The following PUS10 variants were observed in gnomAD, a reference collection of about 807,000 sequenced individuals.
The protein encoded by PUS10 is tRNA pseudouridine synthase Pus10.
PUS10 carries 59 observed loss-of-function variants against 75.0 expected under a neutral mutation model. The observed-to-expected ratio is 0.79, with a 90% CI of 0.64 to 0.98. PUS10 has a LOEUF of 0.98. Among genes scored for constraint, PUS10 ranks in the 50% least tolerant of loss-of-function variants. The pLI, the probability that PUS10 is intolerant of heterozygous loss-of-function variation, is 0.00. For synonymous variants in PUS10, 219 were observed against 211.6 expected (o/e 1.03, Z -0.30); for missense variants, 650 against 614.4 (o/e 1.06, Z -0.61).
intron 4 of PUS10, among the ~76,000 whole-genome samples, chr2:60,982,044 T>A (rs1677427019): frequency 6.6e-6 from 1 of 151,876 alleles, no homozygotes; most frequent in South Asian, 2.1e-4. Context: ...AAAAAACAGA[T>A]TGACCAATAA....
At chr2:60,981,919 T>C (rs1677418799) in intron 4 of PUS10, among the ~76,000 whole-genome samples, 1 of 152,066 alleles carries the variant, frequency 6.6e-6, no homozygotes, top group Non-Finnish European at 1.5e-5. Context: ...CTTCTAGGGG[T>C]TGCTAGACCA....
intron 3 of PUS10, 124 bp downstream of exon 3, chr2:61,008,637 G>T: frequency 1.3e-6 from 1 of 774,644 alleles, no homozygotes; most frequent in Non-Finnish European, 2.0e-6. Flanking sequence ...TTCAGCCTAG[G>T]CAACAGAATG....
In PUS10 at chr2:60,997,709, T is replaced by C. The variant is rs553995803; in HGVS notation, c.468+8848A>G. 8.6e-5 allele frequency among the ~76,000 whole-genome samples: 13 copies of C among 152,010 alleles called. No homozygotes were observed. In the South Asian group the frequency reaches 2.3e-3, roughly 27 times the overall value. ...TATGTCTGGGACATTCATTGTATAA[T>C]AGTTTTGTGTGGCATTATGCTGTAG... On this transcript the variant is annotated intron_variant, in intron 4 of 17. Transcript: ENST00000316752.
In PUS10 at chr2:60,952,931, A is replaced by G. The variant is rs1394716946; in HGVS notation, c.1308+66T>C. ...CTGTGACTTGCTAGTAATAAATTAG[A>G]AGACAATGGGATCTTTGATAGGCAA... On this transcript the variant is annotated intron_variant, in intron 15 of 17. Coordinates refer to ENST00000316752, the MANE Select transcript of PUS10 (RefSeq NM_144709.4). The G allele has an allele frequency of 5.5e-6, 5 of 917,390 alleles. No individual in the cohort carries two copies. In the East Asian group the frequency reaches 9.7e-5, roughly 18 times the overall value. The allele number at this position is 917,390 out of a possible 1,614,324, so 56.8% of individuals were successfully genotyped here.
chr2:60,943,259 G>A (rs1307881548), intron 17 of PUS10, among the ~76,000 whole-genome samples: 1 of 152,084 alleles, frequency 6.6e-6, no homozygotes. Flanking sequence ...CCTGGAACCA[G>A]AAAAGGATTA....
At chr2:61,006,076 A>G (rs1028970784) in intron 4 of PUS10, among the ~76,000 whole-genome samples, 3 of 152,190 alleles carry the variant, frequency 2.0e-5, no homozygotes, top group Non-Finnish European at 4.4e-5. Context: ...CAAAGAAAAC[A>G]GTTTAAAAAA....
intron 4 of PUS10, among the ~76,000 whole-genome samples, chr2:60,980,421 C>T (rs751366217): frequency 2.6e-5 from 4 of 152,190 alleles, no homozygotes; most frequent in Non-Finnish European, 5.9e-5. Flanking sequence ...ATACAAGTTG[C>T]AAGAAATCCA....
intron 1 of PUS10, among the ~76,000 whole-genome samples, chr2:61,016,715 A>C (rs375137214): frequency 6.6e-6 from 1 of 152,028 alleles, no homozygotes; most frequent in African/African-American, 2.4e-5. Flanking sequence ...CTTTATTTTC[A>C]CCTCTTGGAC....
chr2:60,962,714 A>G (rs950140946), intron 9 of PUS10, 112 bp downstream of exon 9: 44 of 1,457,866 alleles, frequency 3.0e-5, no homozygotes, highest in African/African-American at 7.3e-5. Context: ...CTAAGACACA[A>G]TCCTGGCCCC....
chr2:60,983,762 CTAAA>C (rs967014628), intron 4 of PUS10, among the ~76,000 whole-genome samples: 18 of 151,466 alleles, frequency 1.2e-4, no homozygotes, highest in African/African-American at 4.4e-4. Context: ...TATGATACAC[CTAAA>C]TATACTGTAT....
At chr2:60,944,278 A>G (rs1230888640) in intron 17 of PUS10, 2 of 962,802 alleles carry the variant, frequency 2.1e-6, no homozygotes, top group Non-Finnish European at 2.5e-6. Context: ...AGCACTTGAG[A>G]GAATTGCTGG....
intron 6 of PUS10, 65 bp downstream of exon 6, chr2:60,967,437 G>C (rs967913795): frequency 6.1e-5 from 67 of 1,103,634 alleles, no homozygotes; most frequent in Non-Finnish European, 7.8e-5. Context: ...CCAAAACCCT[G>C]CCATATAATT....
chr2:61,010,383 A>G (rs1679519165), intron 2 of PUS10: 1 of 173,466 alleles, frequency 5.8e-6, no homozygotes, highest in Non-Finnish European at 1.3e-5. Flanking sequence ...CAGTGGCATG[A>G]TCTCGGCTCA....
At chr2:61,017,779 C>T (rs1303028765) in intron 1 of PUS10, 2 of 1,550,112 alleles carry the variant, frequency 1.3e-6, no homozygotes, top group South Asian at 2.4e-5. Context: ...CAGCCGCCAC[C>T]TCCCCCCAAA....
intron 9 of PUS10, 94 bp from the exon 10 acceptor site, chr2:60,961,642 G>T: frequency 2.8e-6 from 3 of 1,057,442 alleles, no homozygotes; most frequent in Non-Finnish European, 4.4e-6. Flanking sequence ...CATACACAGA[G>T]CCCAAGTCTC....
At chr2:61,017,490 C>A (rs112835494) in intron 1 of PUS10, 4 of 355,770 alleles carry the variant, frequency 1.1e-5, no homozygotes, top group Admixed American at 4.5e-5. Context: ...GTAGCCGCTA[C>A]CAGAAATATC....
intron 4 of PUS10, among the ~76,000 whole-genome samples, chr2:60,972,917 T>G (rs1308541962): frequency 6.6e-6 from 1 of 152,210 alleles, no homozygotes; most frequent in East Asian, 1.9e-4. Context: ...GCACAACCTG[T>G]TTCCAGTGAT....
Position 60,981,352 on chromosome 2 carries a change from G to A in PUS10, c.469-9795C>T, listed in dbSNP as rs576345605. On this transcript the variant is annotated intron_variant, in intron 4 of 17. Coordinates refer to ENST00000316752, the MANE Select transcript of PUS10 (RefSeq NM_144709.4). ...GGCTGGAGTGCAACAGCAAGATTTC[G>A]GCTCACTGCAACTTTTGCCTCCCAG... 6.0e-4 allele frequency among the ~76,000 whole-genome samples: 91 copies of A among 151,512 alleles called. 1 individual carries two copies. Among genetic ancestry groups the A allele is most frequent in the African/African-American group, 1.9e-3 (80 of 41,266 alleles).
chr2:60,973,435 C>A (rs1289325272), intron 4 of PUS10, among the ~76,000 whole-genome samples: 1 of 152,256 alleles, frequency 6.6e-6, no homozygotes, highest in African/African-American at 2.4e-5. Flanking sequence ...AGTGCCTGCA[C>A]CAATCTCGGA....
Sources: gnomAD v4.1 joint callset for allele counts (sites outside exome capture counted in the v4.1 genomes callset) on GRCh38, gnomAD v4.1.1 for gene constraint, MANE v1.5 for transcripts, NCBI Gene and HGNC (gene_info 2026-07-23, HGNC 2026-07-21) for gene names.